SEMA6D: variants seen among roughly 807,000 people sequenced by gnomAD.
SEMA6D encodes the protein semaphorin-6D.
Under a neutral mutation model 106.6 loss-of-function variants are expected in SEMA6D, and 35 were observed. The observed-to-expected ratio is 0.33, with a 90% CI of 0.25 to 0.44. The LOEUF is 0.44. Among genes scored for constraint, SEMA6D ranks in the 20% least tolerant of loss-of-function variants. The pLI, the probability that SEMA6D is intolerant of heterozygous loss-of-function variation, is 1.00. For synonymous variants in SEMA6D, 499 were observed against 487.7 expected (o/e 1.02, Z -0.31); for missense variants, 1,185 against 1,345.9 (o/e 0.88, Z 1.87).
At chr15:47,646,099 C>T (rs1369576588) in intron 4 of SEMA6D, among the ~76,000 whole-genome samples, 1 of 152,078 alleles carries the variant, frequency 6.6e-6, no homozygotes, top group Non-Finnish European at 1.5e-5. Context: ...AGGATCAAGG[C>T]AAACTTCAGT....
chr15:47,681,359 A>G (rs1035924991), intron 4 of SEMA6D, among the ~76,000 whole-genome samples: 2 of 152,226 alleles, frequency 1.3e-5, no homozygotes, highest in Non-Finnish European at 2.9e-5. Context: ...AAGGACAAAT[A>G]CTGTATGATT....
chr15:47,224,163 A>G (rs923673129), intron 1 of SEMA6D, among the ~76,000 whole-genome samples: 3 of 120,516 alleles, frequency 2.5e-5, no homozygotes, highest in Admixed American at 2.4e-4. Context: ...ATAATAATAA[A>G]AGAAAAAAAA....
At chr15:47,688,317 G>C (rs1451617878) in intron 4 of SEMA6D, among the ~76,000 whole-genome samples, 4 of 152,150 alleles carry the variant, frequency 2.6e-5, no homozygotes, top group Admixed American at 1.3e-4. Context: ...AGCAGCTTCA[G>C]AAGGGAGTCC....
chr15:47,286,248 C>G (rs886831704), intron 1 of SEMA6D, among the ~76,000 whole-genome samples: 1 of 152,146 alleles, frequency 6.6e-6, no homozygotes, highest in African/African-American at 2.4e-5. Flanking sequence ...CCAGAATGAA[C>G]TTGCCCAGTG....
At chr15:47,759,929 C>A (rs529292451) in intron 2 of SEMA6D, 22 bp downstream of exon 2, 2 of 1,503,234 alleles carry the variant, frequency 1.3e-6, no homozygotes, top group East Asian at 4.5e-5. Flanking sequence ...CAAGAACAGT[C>A]TTCTATTCTG....
intron 4 of SEMA6D, among the ~76,000 whole-genome samples, chr15:47,619,691 C>T (rs762799640): frequency 3.9e-4 from 60 of 152,192 alleles, no homozygotes; most frequent in Middle Eastern, 3.4e-3. Context: ...TTGGTTTGCT[C>T]GCTAAAGTCT....
chr15:47,459,643 C>T (rs985138931), intron 2 of SEMA6D, among the ~76,000 whole-genome samples: 1 of 151,904 alleles, frequency 6.6e-6, no homozygotes, highest in African/African-American at 2.4e-5. Flanking sequence ...TTACAATATC[C>T]ATAAGTGGAA....
intron 11 of SEMA6D, 127 bp downstream of exon 11, chr15:47,764,432 C>T: frequency 7.7e-7 from 1 of 1,301,340 alleles, no homozygotes; most frequent in African/African-American, 1.5e-5. Context: ...CAGACAGAGC[C>T]AGCAGACATA....
intron 1 of SEMA6D, among the ~76,000 whole-genome samples, chr15:47,206,780 A>G (rs1895096260): frequency 1.3e-5 from 2 of 152,078 alleles, no homozygotes; most frequent in South Asian, 4.2e-4. Flanking sequence ...CGGCATTCCT[A>G]TCTGTCACAA....
intron 1 of SEMA6D, among the ~76,000 whole-genome samples, chr15:47,381,588 A>G (rs889515562): frequency 9.9e-5 from 15 of 152,172 alleles, no homozygotes; most frequent in Non-Finnish European, 1.9e-4. Flanking sequence ...TTTCTTTAAA[A>G]TTTCAAGATG....
intron 3 of SEMA6D, among the ~76,000 whole-genome samples, chr15:47,537,423 C>G (rs1316220079): frequency 6.6e-6 from 1 of 152,122 alleles, no homozygotes; most frequent in African/African-American, 2.4e-5. Flanking sequence ...AGCAGTGCCT[C>G]CCTCTGCTTA....
rs974782222 is a variant in SEMA6D at position 47,617,074 on chromosome 15, G to A, written c.-55+16178G>A. Among the ~76,000 whole-genome samples, 5 of 152,160 alleles carry A rather than the reference G, an allele frequency of 3.3e-5. No homozygotes were observed. In the South Asian group the frequency reaches 1.0e-3, roughly 32 times the overall value. On this transcript the variant is annotated intron_variant, in intron 4 of 19. Transcript: ENST00000558014. ...GCAGGAGTGAGCTGTTGCCTTCTAT[G>A]AGCCCAACAGTGAGTTGCTTGCCAA... is the stretch of plus-strand genomic sequence containing the variant.
chr15:47,471,921 TCTCTCTCTCTCACACA>T (rs575375603), intron 3 of SEMA6D, among the ~76,000 whole-genome samples: 2,934 of 136,582 alleles, frequency 0.021, 89 homozygotes, highest in African/African-American at 0.073. Flanking sequence ...TCTCTCTCTC[TCTCTCTCTCTCACACA>T]CACACACACA....
chr15:47,765,297 A>T, intron 13 of SEMA6D: 1 of 1,285,344 alleles, frequency 7.8e-7, no homozygotes, highest in Non-Finnish European at 9.9e-7. Flanking sequence ...CCTGTAGAAT[A>T]TGAGAACATT....
At chr15:47,769,766 CT>C (rs1261495752) in intron 18 of SEMA6D, among the ~76,000 whole-genome samples, 2 of 152,000 alleles carry the variant, frequency 1.3e-5, no homozygotes, top group African/African-American at 4.8e-5. Flanking sequence ...TAATTATAAA[CT>C]AATTTGCTCT....
Position 47,770,666 on chromosome 15 carries a change from A to G in SEMA6D, c.2103A>G (p.Ala701=), listed in dbSNP as rs773807671. 1 of 1,614,130 alleles carries G rather than the reference A, an allele frequency of 6.2e-7. No individual in the cohort carries two copies. The highest frequency in any genetic ancestry group is 2.2e-5 in the East Asian group (1 of 44,876). The part of the protein sequence containing the change: ...VRKNRKIHKD[A]ESAQSCTDSS... ...AAAACAGAAAGATCCATAAAGATGC[A>G]GAGTCCGCCCAGTCATGCACAGACT... The change falls in exon 19 of 19, where the codon GCA becomes GCG. Residue 701 remains alanine, a synonymous_variant. Coordinates refer to ENST00000536845, the MANE Select transcript of SEMA6D (RefSeq NM_001358351.3).
At chr15:47,455,512 A>G (rs1028031854) in intron 2 of SEMA6D, among the ~76,000 whole-genome samples, 8 of 151,940 alleles carry the variant, frequency 5.3e-5, no homozygotes, top group Non-Finnish European at 1.0e-4. Flanking sequence ...GCTGCCTTCC[A>G]TTGATACCTT....
At chr15:47,573,151 A>G (rs538170530) in intron 3 of SEMA6D, among the ~76,000 whole-genome samples, 57 of 152,176 alleles carry the variant, frequency 3.7e-4, no homozygotes, top group Non-Finnish European at 4.0e-4. Context: ...TAGTGAAGGC[A>G]AAAGTGAATT....
chr15:47,596,557 C>T (rs944690644), intron 3 of SEMA6D, among the ~76,000 whole-genome samples: 2 of 151,998 alleles, frequency 1.3e-5, no homozygotes, highest in Admixed American at 1.3e-4. Flanking sequence ...GTACATAGAA[C>T]AACATCATAT....
Sources: gnomAD v4.1 joint callset for allele counts (sites outside exome capture counted in the v4.1 genomes callset) on GRCh38, gnomAD v4.1.1 for gene constraint, MANE v1.5 for transcripts, NCBI Gene and HGNC (gene_info 2026-07-23, HGNC 2026-07-21) for gene names.